The following DHRSX variants were observed in gnomAD, a reference collection of about 807,000 sequenced individuals.
DHRSX encodes the protein polyprenol dehydrogenase.
DHRSX carries 31 observed loss-of-function variants against 34.0 expected under a neutral mutation model. The ratio of observed to expected loss-of-function variants is 0.91; its 90% CI spans 0.69 to 1.23. The LOEUF is 1.23. Among genes scored for constraint, DHRSX ranks in the 50% most tolerant of loss-of-function variants. DHRSX has a pLI of 0.00. For synonymous variants in DHRSX, 201 were observed against 183.8 expected (o/e 1.09, Z -0.76); for missense variants, 414 against 428.1 (o/e 0.97, Z 0.29).
intron 3 of DHRSX, among the ~76,000 whole-genome samples, chrX:2,383,992 C>G (rs1163605265): frequency 6.6e-6 from 1 of 152,212 alleles, no homozygotes; most frequent in African/African-American, 2.4e-5. Context: ...TCAGCAGGAT[C>G]TCTCTGACTG....
intron 2 of DHRSX, among the ~76,000 whole-genome samples, chrX:2,414,198 C>T: frequency 6.6e-6 from 1 of 151,728 alleles, no homozygotes; most frequent in Middle Eastern, 3.4e-3. Flanking sequence ...TCATCGTGAC[C>T]TAACTAACTC....
chrX:2,231,653 CTTT>C lies in DHRSX; in HGVS notation c.805-10427_805-10425del, dbSNP rs1344653464. Among the ~76,000 whole-genome samples, 7 of 145,772 alleles carry C rather than the reference CTTT, an allele frequency of 4.8e-5. No individual in the cohort carries two copies. The South Asian group carries it at 6.4e-4, about 13-fold the overall frequency. On this transcript the variant is annotated intron_variant, in intron 6 of 6. Transcript: ENST00000334651. The stretch of plus-strand genomic sequence containing the variant: ...TTCTCCCTTTCTCTTCTCTCTCTGC[CTTT>C]TCTTCTTTTTTTCTTTCTCCTCTTT...
At chrX:2,304,909 T>C (rs754871302) in intron 3 of DHRSX, among the ~76,000 whole-genome samples, 2 of 152,198 alleles carry the variant, frequency 1.3e-5, no homozygotes, top group East Asian at 1.9e-4. Flanking sequence ...GGCACACATA[T>C]GTTCATTGCA....
rs549609925 is a variant in DHRSX at position 2,368,782 on chromosome X, G to A, written c.286+39963C>T. Among the ~76,000 whole-genome samples the A allele has an allele frequency of 7.3e-5, 11 of 151,428 alleles. 1 individual carries two copies. The highest frequency in any genetic ancestry group is 1.5e-4 in the African/African-American group (6 of 41,260). On this transcript the variant is annotated intron_variant, in intron 3 of 6. Coordinates refer to ENST00000334651, the MANE Select transcript of DHRSX (RefSeq NM_145177.3). ...GGAGAATCACTTGAACCTGGGAGGC[G>A]GAGGTTGCAGTGAGCCAAGATTGTG...
rs1364727253 is a variant in DHRSX, at chrX:2,253,783, G to A, written c.597-10553C>T. Among the ~76,000 whole-genome samples the A allele has an allele frequency of 1.2e-4, 19 of 152,234 alleles. 1 individual carries two copies. Among genetic ancestry groups the A allele is most frequent in the South Asian group, 2.1e-4 (1 of 4,826 alleles). On this transcript the variant is annotated intron_variant, in intron 5 of 6. Transcript: ENST00000334651. ...CATACTTTTGAGTGTTTATAAGACC[G>A]GGCGCGGTGGCTCACGCCTGTAATC... is the stretch of plus-strand genomic sequence containing the variant.
chrX:2,271,187 G>A (rs1003248233), intron 4 of DHRSX, among the ~76,000 whole-genome samples: 22 of 152,314 alleles, frequency 1.4e-4, no homozygotes, highest in Admixed American at 4.6e-4. Flanking sequence ...GCGAGTCTGC[G>A]AACCCACCAG....
chrX:2,463,979 G>T (rs1208747119), intron 1 of DHRSX, among the ~76,000 whole-genome samples: 2 of 152,092 alleles, frequency 1.3e-5, no homozygotes, highest in East Asian at 3.9e-4. Context: ...GACCACTGCT[G>T]TGTACACACT....
chrX:2,444,031 C>A (rs1411544972), intron 1 of DHRSX, among the ~76,000 whole-genome samples: 1 of 145,732 alleles, frequency 6.9e-6, no homozygotes, highest in Non-Finnish European at 1.5e-5. Context: ...AAAAAAAGGG[C>A]CAATGACCAT....
chrX:2,363,673 T>C (rs12839999), intron 3 of DHRSX, among the ~76,000 whole-genome samples: 6,314 of 75,218 alleles, frequency 0.084, 298 homozygotes, highest in African/African-American at 0.13. Context: ...GGTATCATGC[T>C]GCCATTTTAT....
At chrX:2,366,762 AT>A (rs111658597) in intron 3 of DHRSX, among the ~76,000 whole-genome samples, 22,958 of 146,126 alleles carry the variant, frequency 0.16, 2,150 homozygotes, top group Middle Eastern at 0.39. Flanking sequence ...TACCCGGATA[AT>A]TTTTTTTTTT....
At chrX:2,304,773 A>G (rs1424969422) in intron 3 of DHRSX, among the ~76,000 whole-genome samples, 1 of 152,106 alleles carries the variant, frequency 6.6e-6, no homozygotes, top group Admixed American at 6.6e-5. Flanking sequence ...TCTTTTCTTT[A>G]TAAATTACCC....
chrX:2,353,127 C>T (rs1483483146), intron 3 of DHRSX, among the ~76,000 whole-genome samples: 2 of 152,128 alleles, frequency 1.3e-5, no homozygotes, highest in African/African-American at 2.4e-5. Context: ...TGCCTACAGT[C>T]GTAGCTACTC....
At chrX:2,395,490 C>T (rs2043398195) in intron 3 of DHRSX, among the ~76,000 whole-genome samples, 1 of 152,116 alleles carries the variant, frequency 6.6e-6, no homozygotes, top group Non-Finnish European at 1.5e-5. Flanking sequence ...ATAGAGAGGC[C>T]GCACGCAGAA....
In DHRSX at chrX:2,219,797, C is replaced by T. The variant is rs1358565627; in HGVS notation, c.*1244G>A. The T allele has an allele frequency of 2.0e-5, 3 of 152,166 alleles. No homozygotes were observed. Among genetic ancestry groups the T allele is most frequent in the Non-Finnish European group, 2.9e-5 (2 of 68,040 alleles). 9.4% of individuals were successfully genotyped at this position (152,166 alleles called of 1,614,324 possible). On this transcript the variant is annotated 3_prime_UTR_variant, in exon 7 of 7. Transcript: ENST00000334651. ...GGAGTGCAGGCTCGTAGGGTATACACAGTACTTTCTCAAAAGCATTGCAAA... is the reference window on the plus strand; with the variant it reads ...GGAGTGCAGGCTCGTAGGGTATACATAGTACTTTCTCAAAAGCATTGCAAA...
At chrX:2,456,425 C>T (rs1046773015) in intron 1 of DHRSX, among the ~76,000 whole-genome samples, 8 of 151,794 alleles carry the variant, frequency 5.3e-5, no homozygotes, top group African/African-American at 1.9e-4. Context: ...ACCAGCCTGG[C>T]CAACATGATG....
chrX:2,301,618 C>T (rs184373694), intron 3 of DHRSX, among the ~76,000 whole-genome samples: 6,365 of 152,048 alleles, frequency 0.042, 618 homozygotes, highest in East Asian at 0.28. Context: ...TGCAGGAGCA[C>T]GCCAGGTCTT....
intron 6 of DHRSX, among the ~76,000 whole-genome samples, chrX:2,231,978 T>A (rs1270214848): frequency 6.7e-6 from 1 of 150,198 alleles, no homozygotes; most frequent in Non-Finnish European, 1.5e-5. Context: ...CTTCTTTCCT[T>A]TTCTCTATTC....
At chrX:2,388,652 C>T (rs1015005957) in intron 3 of DHRSX, among the ~76,000 whole-genome samples, 6 of 151,284 alleles carry the variant, frequency 4.0e-5, no homozygotes, top group Admixed American at 2.0e-4. Context: ...ACTAAGATAT[C>T]TCATAAGAAG....
intron 6 of DHRSX, among the ~76,000 whole-genome samples, chrX:2,225,050 CACATTT>C (rs2015617377): frequency 1.4e-5 from 2 of 142,686 alleles, no homozygotes; most frequent in Admixed American, 6.9e-5. Context: ...CACATGCATT[CACATTT>C]ACATATTCAC....
Sources: gnomAD v4.1 joint callset for allele counts (sites outside exome capture counted in the v4.1 genomes callset) on GRCh38, gnomAD v4.1.1 for gene constraint, MANE v1.5 for transcripts, NCBI Gene and HGNC (gene_info 2026-07-23, HGNC 2026-07-21) for gene names.